Variants in OTOF observed in about 807,000 individuals in gnomAD.
OTOF encodes the protein fer-1-like family member 2.
In OTOF, 218 loss-of-function variants were observed where a neutral mutation model predicts 236.8. That is an observed-to-expected ratio of 0.92 (90% confidence interval 0.82 to 1.03). The LOEUF (loss-of-function observed/expected upper bound fraction) is 1.03. OTOF is among the 50% of genes least tolerant of loss of function. OTOF has a pLI of 0.00. For missense variants in OTOF, 2,590 were observed against 2,694.4 expected (o/e 0.96, Z 0.86); for synonymous variants, 1,041 against 1,072.5 (o/e 0.97, Z 0.57).
chr2:26,461,134 T>G lies in OTOF; in HGVS notation c.5534-104A>C. ...GCCCCTTGTTTGCTGAGTGCAGACC[T>G]CCCTGAGCCCACATCTCATCCTCCT... On this transcript the variant is annotated intron_variant, in intron 43 of 46. Coordinates refer to ENST00000272371, the MANE Select transcript of OTOF (RefSeq NM_194248.3). This position sits in a 1 kb window ranked among gnomAD's most constrained non-coding sequence, Gnocchi z 6.2. The G allele has an allele frequency of 2.1e-6, 2 of 971,400 alleles. No individual in the cohort carries two copies. Among genetic ancestry groups the G allele is most frequent in the Non-Finnish European group, 3.1e-6 (2 of 635,310 alleles). 60.2% of individuals were successfully genotyped at this position (971,400 alleles called of 1,614,324 possible).
chr2:26,479,143 C>A, intron 18 of OTOF, 121 bp downstream of exon 18: 1 of 1,313,124 alleles, frequency 7.6e-7, no homozygotes, highest in Non-Finnish European at 1.1e-6. Context: ...AACAGAGGTC[C>A]TGCTGGGGCC....
At chr2:26,494,840 G>A in intron 9 of OTOF, 102 bp downstream of exon 9, 2 of 1,381,108 alleles carry the variant, frequency 1.4e-6, no homozygotes, top group Non-Finnish European at 2.1e-6. Flanking sequence ...TGGTAGCCCT[G>A]TGTGCTCCTT....
intron 30 of OTOF, among the ~76,000 whole-genome samples, chr2:26,471,774 G>A (rs193117381): frequency 2.0e-5 from 3 of 152,052 alleles, no homozygotes; most frequent in African/African-American, 7.2e-5. Flanking sequence ...GTGCACATAC[G>A]CACACCGCAA....
At chr2:26,469,284 C>T (rs1284863794) in intron 32 of OTOF, among the ~76,000 whole-genome samples, 2 of 152,190 alleles carry the variant, frequency 1.3e-5, no homozygotes, top group Non-Finnish European at 1.5e-5. Flanking sequence ...GTCGCCACCG[C>T]CACCTGGTGG....
chr2:26,495,632 G>T (rs1665963797), intron 8 of OTOF, among the ~76,000 whole-genome samples: 1 of 152,004 alleles, frequency 6.6e-6, no homozygotes, highest in Non-Finnish European at 1.5e-5. Flanking sequence ...TGCCATGTTG[G>T]CCAGGCTGTT....
At position 26,457,923 on chromosome 2, in the gene OTOF, A is replaced by G. The variant is rs1287184816; in HGVS notation, c.*315T>C. On this transcript the variant is annotated 3_prime_UTR_variant, in exon 47 of 47. Coordinates refer to ENST00000272371, the MANE Select transcript of OTOF (RefSeq NM_194248.3). This position sits in a 1 kb window ranked among gnomAD's most constrained non-coding sequence, Gnocchi z 4.4. Reference sequence around the variant, plus strand: ...GCAAGCAGGAGGCAGGCTCGGCCCAAGGCATGAAGAGTGGACGCTGGGCTC... The same window carrying G: ...GCAAGCAGGAGGCAGGCTCGGCCCAGGGCATGAAGAGTGGACGCTGGGCTC... 5.6e-6 allele frequency: 6 copies of G among 1,070,588 alleles called. No individual in the cohort carries two copies. In the African/African-American group the frequency reaches 6.3e-5, roughly 11 times the overall value. 66.3% of individuals were successfully genotyped at this position (1,070,588 alleles called of 1,614,324 possible). A position where few individuals can be genotyped will look rare whatever the true frequency, so the allele number is the denominator to read the frequency against.
chr2:26,476,091 T>C (rs1274045524), intron 23 of OTOF, 37 bp downstream of exon 23: 1 of 1,611,404 alleles, frequency 6.2e-7, no homozygotes, highest in African/African-American at 1.3e-5. Context: ...TCCGGCCCCC[T>C]CCCAGGTGAG....
intron 5 of OTOF, among the ~76,000 whole-genome samples, chr2:26,505,501 CT>C (rs1666227107): frequency 1.3e-5 from 2 of 152,138 alleles, no homozygotes; most frequent in Non-Finnish European, 1.5e-5. Flanking sequence ...TTCTAGATGT[CT>C]GCAATGTCTG....
intron 1 of OTOF, among the ~76,000 whole-genome samples, chr2:26,552,890 T>C (rs1337344383): frequency 1.3e-5 from 2 of 152,090 alleles, no homozygotes; most frequent in African/African-American, 4.8e-5. Flanking sequence ...AATGCCAACC[T>C]CACATTCTCC....
In OTOF at chr2:26,460,271, G is replaced by C; in HGVS notation, c.5814-66C>G. On this transcript the variant is annotated intron_variant, in intron 45 of 46. Coordinates refer to ENST00000272371, the MANE Select transcript of OTOF (RefSeq NM_194248.3). The surrounding 1 kb of genome is among the most constrained non-coding windows in gnomAD (Gnocchi z 5.3). The stretch of plus-strand genomic sequence containing the variant: ...AGGAGAAGGGATTGGGTGTGGCGAG[G>C]GGCCAAGACCAAGAGGGAAGCTGTC... 7.6e-7 allele frequency: 1 copy of C among 1,320,492 alleles called. No homozygotes were observed. The highest frequency in any genetic ancestry group is 1.5e-5 in the African/African-American group (1 of 68,962). The allele number at this position is 1,320,492 out of a possible 1,614,324, so 81.8% of individuals were successfully genotyped here. A position where few individuals can be genotyped will look rare whatever the true frequency, so the allele number is the denominator to read the frequency against.
chr2:26,551,871 T>C (rs1486995005), intron 1 of OTOF, among the ~76,000 whole-genome samples: 1 of 152,212 alleles, frequency 6.6e-6, no homozygotes, highest in Non-Finnish European at 1.5e-5. Context: ...ATTTGAGCTC[T>C]TATCTTTTAT....
rs73920281 is a variant in OTOF at position 26,458,112 on chromosome 2, C to T, written c.*126G>A. 7.5e-4 allele frequency: 1,204 copies of T among 1,614,194 alleles called. 9 individuals carry two copies. The African/African-American group carries it at 0.014, about 18-fold the overall frequency. Reference sequence around the variant, plus strand: ...GGAAGAGCCCCAACATGAGCAGCCCCAACAGCGCCAGCACGATCTTGATGA... The same window carrying T: ...GGAAGAGCCCCAACATGAGCAGCCCTAACAGCGCCAGCACGATCTTGATGA... On this transcript the variant is annotated 3_prime_UTR_variant, in exon 47 of 47. Coordinates refer to ENST00000272371, the MANE Select transcript of OTOF (RefSeq NM_194248.3).
At chr2:26,508,750 C>T (rs1447764827) in intron 5 of OTOF, among the ~76,000 whole-genome samples, 1 of 152,210 alleles carries the variant, frequency 6.6e-6, no homozygotes, top group East Asian at 1.9e-4. Flanking sequence ...TTTATCTCTT[C>T]TCAGTGGAGA....
rs377468423 is a variant in OTOF at position 26,477,632 on chromosome 2, C to T, written c.2315+17G>A. The T allele has an allele frequency of 1.2e-5, 19 of 1,611,900 alleles. No individual in the cohort carries two copies. The highest frequency in any genetic ancestry group is 4.0e-5 in the African/African-American group (3 of 74,898). ...TCCGCCTCATCCTCCCCCCACCTGC[C>T]GCCCCTCCCTTCTCACCAGCAGCCA... On this transcript the variant is annotated intron_variant, in intron 19 of 46. Transcript: ENST00000272371. This position sits in a 1 kb window ranked among gnomAD's most constrained non-coding sequence, Gnocchi z 4.7.
At chr2:26,546,408 C>A (rs1667334072) in intron 1 of OTOF, among the ~76,000 whole-genome samples, 1 of 151,398 alleles carries the variant, frequency 6.6e-6, no homozygotes, top group African/African-American at 2.4e-5. Context: ...TTGCAGTGAG[C>A]TGAGATTGCT....
At chr2:26,459,916 ATTTGTG>A (rs1664377053) in intron 46 of OTOF, 86 bp downstream of exon 46, 2 of 1,236,200 alleles carry the variant, frequency 1.6e-6, no homozygotes, top group East Asian at 5.1e-5. Flanking sequence ...ATGTATGCAT[ATTTGTG>A]TTTGTGGATG....
At chr2:26,492,927 G>A (rs1572448372) in intron 9 of OTOF, among the ~76,000 whole-genome samples, 2 of 152,208 alleles carry the variant, frequency 1.3e-5, no homozygotes, top group East Asian at 3.8e-4. Context: ...TTGGGAAAGA[G>A]GAAGTAATTT....
chr2:26,465,071 C>A, intron 38 of OTOF, 42 bp from the exon 39 acceptor site: 1 of 1,429,768 alleles, frequency 7.0e-7, no homozygotes, highest in Non-Finnish European at 9.2e-7. Flanking sequence ...CTGGGTGGGA[C>A]TAAGCCATCC....
chr2:26,482,660 TGA>T, intron 13 of OTOF, 68 bp from the exon 14 acceptor site: 3 of 1,338,012 alleles, frequency 2.2e-6, no homozygotes, highest in Non-Finnish European at 2.1e-6. Context: ...TGTGTGTGTG[TGA>T]GTGGGCGCAT....
Sources: gnomAD v4.1 joint callset for allele counts (sites outside exome capture counted in the v4.1 genomes callset) on GRCh38, gnomAD v4.1.1 for gene constraint, Gnocchi (gnomAD v3.1) non-coding constraint, MANE v1.5 for transcripts, NCBI Gene and HGNC (gene_info 2026-07-23, HGNC 2026-07-21) for gene names.